Variants in FYN observed in about 807,000 individuals in gnomAD.
FYN encodes the protein tyrosine-protein kinase Fyn.
Under a neutral mutation model 70.2 loss-of-function variants are expected in FYN, and 10 were observed. The ratio of observed to expected loss-of-function variants is 0.14; its 90% CI spans 0.09 to 0.24. The LOEUF (loss-of-function observed/expected upper bound fraction) is 0.24, where lower values mean the gene tolerates loss of function less well. FYN is among the 10% of genes least tolerant of loss of function. FYN has a pLI of 1.00. For synonymous variants in FYN, 236 were observed against 248.6 expected (o/e 0.95, Z 0.48); for missense variants, 319 against 673.1 (o/e 0.47, Z 5.82).
At chr6:111,793,508 G>T (rs1771700520) in intron 2 of FYN, 1 of 152,192 alleles carries the variant, frequency 6.6e-6, no homozygotes, top group African/African-American at 2.4e-5. Context: ...CAGTCCATAA[G>T]ATCGGCTCAT....
intron 2 of FYN, among the ~76,000 whole-genome samples, chr6:111,817,361 G>C (rs1772521542): frequency 6.6e-6 from 1 of 152,132 alleles, no homozygotes; most frequent in Non-Finnish European, 1.5e-5. Flanking sequence ...TAAAATTTAA[G>C]ACAATTTCTT....
intron 2 of FYN, among the ~76,000 whole-genome samples, chr6:111,784,117 C>A (rs967179081): frequency 3.3e-5 from 5 of 152,126 alleles, no homozygotes; most frequent in Non-Finnish European, 4.4e-5. Flanking sequence ...GTGTGGAATG[C>A]GCCACCTAGA....
At position 111,776,074 on chromosome 6, in the gene FYN, T is replaced by C. The variant is rs529307959; in HGVS notation, c.-12+4492A>G. On this transcript the variant is annotated intron_variant, in intron 3 of 13. Coordinates refer to ENST00000354650, the MANE Select transcript of FYN (RefSeq NM_002037.5). ...GTGTAAATAAGAAGCTAATTTTATT[T>C]TGCAGACCAGACAGCAAGTTCTGAC... Among the ~76,000 whole-genome samples, 261 of 152,282 alleles carry C rather than the reference T, an allele frequency of 1.7e-3. 3 individuals are homozygous for C. In the South Asian group the frequency reaches 0.02, roughly 12 times the overall value.
chr6:111,799,874 G>A (rs1771929068), intron 2 of FYN, among the ~76,000 whole-genome samples: 2 of 152,316 alleles, frequency 1.3e-5, no homozygotes, highest in South Asian at 2.1e-4. Context: ...CTGTGGAAAC[G>A]TGCAGGGAAG....
chr6:111,722,317 T>C (rs1224808484), intron 3 of FYN, among the ~76,000 whole-genome samples: 1 of 152,202 alleles, frequency 6.6e-6, no homozygotes. Flanking sequence ...CCAACATGCT[T>C]TGTAACTTAT....
chr6:111,794,533 C>T (rs573893898), intron 2 of FYN, among the ~76,000 whole-genome samples: 1 of 152,300 alleles, frequency 6.6e-6, no homozygotes, highest in South Asian at 2.1e-4. Flanking sequence ...CGGTCAGCAA[C>T]CCCCAGCCTG....
chr6:111,774,880 G>T (rs376011096), intron 3 of FYN, among the ~76,000 whole-genome samples: 1 of 152,012 alleles, frequency 6.6e-6, no homozygotes, highest in Non-Finnish European at 1.5e-5. Context: ...CACCACATCC[G>T]GCTAACTTTT....
intron 3 of FYN, among the ~76,000 whole-genome samples, chr6:111,760,231 C>T (rs1802943628): frequency 6.6e-6 from 1 of 152,070 alleles, no homozygotes; most frequent in South Asian, 2.1e-4. Context: ...TGACAAAACC[C>T]AAATGGAAAA....
intron 3 of FYN, 64 bp from the exon 4 acceptor site, chr6:111,720,126 A>C: frequency 1.3e-6 from 2 of 1,518,270 alleles, no homozygotes; most frequent in Admixed American, 4.1e-5. Context: ...GTTGCTCTAC[A>C]GTAAACGAGG....
At chr6:111,840,413 C>T (rs1001384101) in intron 2 of FYN, among the ~76,000 whole-genome samples, 1 of 152,150 alleles carries the variant, frequency 6.6e-6, no homozygotes, top group Non-Finnish European at 1.5e-5. Context: ...GGCCACAAGT[C>T]AAGAACACTT....
intron 1 of FYN, among the ~76,000 whole-genome samples, chr6:111,849,613 A>G (rs549742573): frequency 1.3e-5 from 2 of 152,312 alleles, no homozygotes; most frequent in East Asian, 3.9e-4. Context: ...CCAGACTGTG[A>G]GAGACGGTGT....
chr6:111,674,486 G>A lies in FYN; in HGVS notation c.1405+13C>T, dbSNP rs769043283. ...CCAATCTCAGGCCCATGTCTGTGAGGCCCTGCTCTTACCTGGGTATGGCAC... is the reference window on the plus strand; with the variant it reads ...CCAATCTCAGGCCCATGTCTGTGAGACCCTGCTCTTACCTGGGTATGGCAC... On this transcript the variant is annotated intron_variant, in intron 13 of 13. Transcript: ENST00000354650. 12 of 1,608,024 alleles carry A rather than the reference G, an allele frequency of 7.5e-6. No homozygotes were observed. In the East Asian group the frequency reaches 2.7e-4, roughly 36 times the overall value.
chr6:111,781,125 G>A (rs954798056), intron 2 of FYN: 1 of 152,134 alleles, frequency 6.6e-6, no homozygotes, highest in Non-Finnish European at 1.5e-5. Context: ...TTGCTATGAG[G>A]ATTAAATGAT....
intron 4 of FYN, among the ~76,000 whole-genome samples, chr6:111,717,461 CT>C (rs376373236): frequency 0.016 from 2,377 of 145,874 alleles, 58 homozygotes; most frequent in African/African-American, 0.055. Flanking sequence ...AGGGAGCCCA[CT>C]TTTTTTTTTT....
intron 12 of FYN, among the ~76,000 whole-genome samples, chr6:111,675,338 A>G (rs570150273): frequency 6.2e-4 from 94 of 152,282 alleles, no homozygotes; most frequent in African/African-American, 2.2e-3. Context: ...CTGTCTTATG[A>G]GTCTCTGACT....
At chr6:111,848,890 G>C (rs1017195603) in intron 1 of FYN, among the ~76,000 whole-genome samples, 5 of 152,072 alleles carry the variant, frequency 3.3e-5, no homozygotes, top group African/African-American at 1.2e-4. Flanking sequence ...TTTAAAAATT[G>C]ACCAATTATC....
At chr6:111,696,715 A>C in intron 9 of FYN, 3 of 324,344 alleles carry the variant, frequency 9.2e-6, no homozygotes, top group Admixed American at 4.9e-5. Context: ...ATATATTACC[A>C]CTCTCTCTTT....
intron 12 of FYN, among the ~76,000 whole-genome samples, chr6:111,679,073 C>T (rs1369183994): frequency 6.6e-6 from 1 of 152,172 alleles, no homozygotes; most frequent in Non-Finnish European, 1.5e-5. Context: ...CAGACTTGTT[C>T]TCCTCTGCTT....
At chr6:111,758,662 T>A (rs1005646006) in intron 3 of FYN, among the ~76,000 whole-genome samples, 1 of 152,252 alleles carries the variant, frequency 6.6e-6, no homozygotes, top group Non-Finnish European at 1.5e-5. Context: ...CCCTGGGGCA[T>A]GGCTCAGTGC....
Sources: gnomAD v4.1 joint callset for allele counts (sites outside exome capture counted in the v4.1 genomes callset) on GRCh38, gnomAD v4.1.1 for gene constraint, MANE v1.5 for transcripts, NCBI Gene and HGNC (gene_info 2026-07-23, HGNC 2026-07-21) for gene names.